The following AHDC1 variants were observed in gnomAD, a reference collection of about 807,000 sequenced individuals.
The protein encoded by AHDC1 is AT-hook DNA binding motif containing 1.
AHDC1 carries 7 observed loss-of-function variants against 87.9 expected under a neutral mutation model. That is an observed-to-expected ratio of 0.08 (90% CI 0.05 to 0.15). The LOEUF is 0.15. Among genes scored for constraint, AHDC1 ranks in the 10% least tolerant of loss-of-function variants. AHDC1 has a pLI of 1.00. For missense variants in AHDC1, 1,841 were observed against 2,253.2 expected, an observed-to-expected ratio of 0.82 and a Z score of 3.70; for synonymous variants, 1,051 against 1,006.8, an observed-to-expected ratio of 1.04 and a Z score of -0.83.
Position 27,549,182 on chromosome 1 carries a change from T to G in AHDC1, c.2934A>C (p.Gln978His). 6.3e-7 allele frequency: 1 copy of G among 1,584,510 alleles called. No individual in the cohort carries two copies. Among genetic ancestry groups the G allele is most frequent in the Non-Finnish European group, 8.6e-7 (1 of 1,164,898 alleles). Residue 978 changes from glutamine (Q) to histidine (H), a missense_variant, in exon 8 of 9, where the codon CAA becomes CAC. By Grantham distance (24) the Gln-to-His change is conservative. This residue lies in a region of AHDC1 where 378 missense variants were observed against 399.0 expected (regional missense o/e 0.95). Transcript: ENST00000673934. ...LPQYGGYGAG[Q>H]SVFAPTKPFT... ...AGGGCTTAGTTGGGGCGAATACGCT[T>G]TGTCCGGCCCCATAGCCGCCGTACT...
chr1:27,551,701 G>T lies in AHDC1; in HGVS notation c.415C>A (p.Gln139Lys). 6.2e-7 allele frequency: 1 copy of T among 1,613,810 alleles called. No individual in the cohort carries two copies. The highest frequency in any genetic ancestry group is 8.5e-7 in the Non-Finnish European group (1 of 1,179,958). ...CAGTCCAGGTGTACACCACTGTGCT[G>T]CAGGTCCTGGGAGAGGCGTGTCAGG... is the stretch of plus-strand genomic sequence containing the variant. ...KDLTRLSQDL[Q>K]HSGVHLDCGG... is the part of the protein sequence containing the mutation. Residue 139 changes from glutamine (Q) to lysine (K), a missense_variant, in exon 8 of 9, where the codon CAG becomes AAG. Gln to Lys is a moderately conservative substitution (Grantham distance 53, BLOSUM62 1). Coordinates refer to ENST00000673934, the MANE Select transcript of AHDC1 (RefSeq NM_001371928.1).
chr1:27,581,833 C>A (rs2088917200), intron 3 of AHDC1, among the ~76,000 whole-genome samples: 1 of 152,218 alleles, frequency 6.6e-6, no homozygotes, highest in Non-Finnish European at 1.5e-5. Flanking sequence ...TTTGGCCCCA[C>A]CAACCTCCTG....
intron 3 of AHDC1, among the ~76,000 whole-genome samples, chr1:27,601,111 A>G (rs1421272339): frequency 6.6e-6 from 1 of 152,196 alleles, no homozygotes; most frequent in South Asian, 2.1e-4. Context: ...AGCTCCTTCC[A>G]TCACTACCTC....
intron 5 of AHDC1, among the ~76,000 whole-genome samples, chr1:27,557,227 C>T (rs563194835): frequency 4.0e-5 from 6 of 151,696 alleles, no homozygotes; most frequent in African/African-American, 1.2e-4. Flanking sequence ...TTCCTCCCTC[C>T]GAGGTCACCC....
At chr1:27,575,326 C>T (rs1373346165) in intron 3 of AHDC1, among the ~76,000 whole-genome samples, 1 of 152,048 alleles carries the variant, frequency 6.6e-6, no homozygotes, top group Non-Finnish European at 1.5e-5. Flanking sequence ...GGGGGAGGGG[C>T]GTTGCCTGCA....
intron 3 of AHDC1, among the ~76,000 whole-genome samples, chr1:27,602,986 TCC>T (rs552714980): frequency 8.6e-5 from 6 of 69,806 alleles, no homozygotes; most frequent in Admixed American, 1.4e-4. Flanking sequence ...CCCCCTTCAT[TCC>T]CCCCCCCCCC....
In AHDC1 at chr1:27,551,113, C is replaced by G. The variant is rs1202158646; in HGVS notation, c.1003G>C (p.Asp335His). ...ACGTCAAGCAGCTTGGGCAGGGGGTCGAGTGCCTGGGGGTCAAGCAGCTGC... is the reference window on the plus strand; with the variant it reads ...ACGTCAAGCAGCTTGGGCAGGGGGTGGAGTGCCTGGGGGTCAAGCAGCTGC... The part of the protein sequence containing the change: ...ESQLLDPQAL[D>H]PLPKLLDVPG... Residue 335 changes from aspartate (D) to histidine (H), a missense_variant, in exon 8 of 9, where the codon GAC becomes CAC. This residue lies in a region of AHDC1 where 370 missense variants were observed against 391.5 expected (regional missense o/e 0.95). Coordinates refer to ENST00000673934, the MANE Select transcript of AHDC1 (RefSeq NM_001371928.1). 1.3e-6 allele frequency: 2 copies of G among 1,582,824 alleles called. No homozygotes were observed. Among genetic ancestry groups the G allele is most frequent in the Middle Eastern group, 1.7e-4 (1 of 5,970 alleles).
At chr1:27,597,913 T>C (rs1225998665) in intron 3 of AHDC1, among the ~76,000 whole-genome samples, 2 of 152,136 alleles carry the variant, frequency 1.3e-5, no homozygotes, top group Non-Finnish European at 2.9e-5. Context: ...TTTTTCTGCC[T>C]CCTCCTCTCT....
Position 27,551,507 on chromosome 1 carries a change from C to T in AHDC1, c.609G>A (p.Glu203=). ...PSHPLYEPEP[E]PRDSPQPGQG... Reference sequence around the variant, plus strand: ...GGCCAGGCTGGGGACTGTCCCTAGGCTCAGGCTCAGGCTCGTAGAGGGGAT... The same window carrying T: ...GGCCAGGCTGGGGACTGTCCCTAGGTTCAGGCTCAGGCTCGTAGAGGGGAT... Residue 203 remains glutamate, a synonymous_variant, in exon 8 of 9, where the codon GAG becomes GAA. Coordinates refer to ENST00000673934, the MANE Select transcript of AHDC1 (RefSeq NM_001371928.1). The T allele has an allele frequency of 6.2e-7, 1 of 1,603,480 alleles. No individual in the cohort carries two copies. The highest frequency in any genetic ancestry group is 8.5e-7 in the Non-Finnish European group (1 of 1,174,640).
In AHDC1 at chr1:27,547,284, A is replaced by G; in HGVS notation, c.*20T>C. 1 of 1,517,570 alleles carries G rather than the reference A, an allele frequency of 6.6e-7. No homozygotes were observed. Among genetic ancestry groups the G allele is most frequent in the Non-Finnish European group, 8.8e-7 (1 of 1,133,660 alleles). 94.0% of individuals were successfully genotyped at this position (1,517,570 alleles called of 1,614,324 possible). A position where few individuals can be genotyped will look rare whatever the true frequency, so the allele number is the denominator to read the frequency against. On this transcript the variant is annotated 3_prime_UTR_variant, in exon 8 of 9. Transcript: ENST00000673934. This position sits in a 1 kb window ranked among gnomAD's most constrained non-coding sequence, Gnocchi z 4.9. ...ACCCAGGAACAAAACCTCGCGGTCC[A>G]GTCGGCACTTCAGTTGGCACTACAG...
At position 27,551,026 on chromosome 1, in the gene AHDC1, G is replaced by A. The variant is rs746067316; in HGVS notation, c.1090C>T (p.Arg364Cys). 20 of 1,558,968 alleles carry A rather than the reference G, an allele frequency of 1.3e-5. No individual in the cohort carries two copies. Among genetic ancestry groups the A allele is most frequent in the Non-Finnish European group, 1.4e-5 (16 of 1,157,268 alleles). The change falls in exon 8 of 9, where the codon CGC (arginine) becomes TGC (cysteine). Residue 364 changes from arginine to cysteine, a missense_variant. Physicochemically the swap from Arg to Cys is radical, Grantham distance 180 (BLOSUM62 -3). Coordinates refer to ENST00000673934, the MANE Select transcript of AHDC1 (RefSeq NM_001371928.1). ...CCGTGCGGTGAGCACAAGTCCAGGC[G>A]CAAGGGCTCGGCCAGTGGGCAGTGC... is the stretch of plus-strand genomic sequence containing the variant. ...LGHCPLAEPLRLDLCSPHGPP... is the reference protein window; with the variant it reads ...LGHCPLAEPLCLDLCSPHGPP...
At chr1:27,535,345 T>C (rs1209246949) in intron 8 of AHDC1, among the ~76,000 whole-genome samples, 1 of 152,226 alleles carries the variant, frequency 6.6e-6, no homozygotes, top group Non-Finnish European at 1.5e-5. Context: ...ATTGGTTTGC[T>C]GGGAGGATTC....
chr1:27,575,762 C>A (rs1472627711), intron 3 of AHDC1, among the ~76,000 whole-genome samples: 1 of 151,812 alleles, frequency 6.6e-6, no homozygotes, highest in Non-Finnish European at 1.5e-5. Flanking sequence ...GCGCCCCGGG[C>A]CCGGCGGAAT....
chr1:27,599,181 A>G (rs2089462251), intron 3 of AHDC1, among the ~76,000 whole-genome samples: 1 of 142,958 alleles, frequency 7.0e-6, no homozygotes, highest in African/African-American at 2.9e-5. Context: ...GCCCTACCAC[A>G]GGGCCAGGGC....
rs1257502112 is a variant in AHDC1 at position 27,563,317 on chromosome 1, CACAG to C, written c.-628-4438_-628-4435del. 6.6e-6 allele frequency among the ~76,000 whole-genome samples: 1 copy of C among 151,824 alleles called. No homozygotes were observed. Among genetic ancestry groups the C allele is most frequent in the East Asian group, 1.9e-4 (1 of 5,194 alleles). On this transcript the variant is annotated intron_variant, in intron 3 of 8. Transcript: ENST00000673934. This position sits in a 1 kb window ranked among gnomAD's most constrained non-coding sequence, Gnocchi z 6.1. ...CAAGACACACACACATGCACACACA[CACAG>C]AACCTGTCACACAGCTGACCAAGAC...
intron 3 of AHDC1, among the ~76,000 whole-genome samples, chr1:27,587,375 A>C (rs1047266506): frequency 2.6e-5 from 4 of 152,164 alleles, no homozygotes; most frequent in Non-Finnish European, 5.9e-5. Context: ...CCCGTTCCAC[A>C]ACTTTCCCTT....
chr1:27,550,153 T>C lies in AHDC1; in HGVS notation c.1963A>G (p.Ile655Val). The change falls in exon 8 of 9, where the codon ATC (isoleucine) becomes GTC (valine). Residue 655 changes from isoleucine (I) to valine (V), a missense_variant. This residue lies in a region of AHDC1 where 236 missense variants were observed against 257.9 expected (regional missense o/e 0.92). Coordinates refer to ENST00000673934, the MANE Select transcript of AHDC1 (RefSeq NM_001371928.1). ...SVHQAPDTQS[I>V]SHFLHRVQGF... is the part of the protein sequence containing the mutation. ...TGCACACGATGCAGGAAGTGGGAGATGCTCTGGGTGTCGGGGGCCTGGTGC... is the reference window on the plus strand; with the variant it reads ...TGCACACGATGCAGGAAGTGGGAGACGCTCTGGGTGTCGGGGGCCTGGTGC... 2 of 1,611,070 alleles carry C rather than the reference T, an allele frequency of 1.2e-6. No homozygotes were observed. The highest frequency in any genetic ancestry group is 1.3e-5 in the African/African-American group (1 of 75,050).
rs143346525 is a variant in AHDC1, at chr1:27,550,606, C to T, written c.1510G>A (p.Val504Met). Residue 504 changes from valine to methionine, a missense_variant, in exon 8 of 9, where the codon GTG becomes ATG. This residue lies in a region of AHDC1 where 27 missense variants were observed against 58.6 expected (regional missense o/e 0.46). Transcript: ENST00000673934. The part of the protein sequence containing the change: ...KVSSLSSSLS[V>M]EGKELGLRVS... ...CGCAGGCCCAGCTCCTTGCCCTCCA[C>T]GCTCAGGCTGCTGCTCAAGGAAGAC... The T allele has an allele frequency of 3.0e-3, 4,781 of 1,613,808 alleles. 11 individuals carry two copies. Among genetic ancestry groups the T allele is most frequent in the Non-Finnish European group, 3.8e-3 (4,436 of 1,180,050 alleles).
intron 3 of AHDC1, among the ~76,000 whole-genome samples, chr1:27,601,272 G>A (rs1245422406): frequency 2.0e-5 from 3 of 152,260 alleles, no homozygotes; most frequent in Admixed American, 6.5e-5. Context: ...AGGCGGAGGA[G>A]AGCGCCCACC....
Sources: allele counts gnomAD v4.1 joint callset (sites outside exome capture counted in the v4.1 genomes callset), GRCh38; gene constraint gnomAD v4.1.1; regional missense constraint gnomAD v4.1.1; non-coding constraint Gnocchi (gnomAD v3.1); transcripts MANE v1.5; gene names NCBI Gene and HGNC (gene_info 2026-07-23, HGNC 2026-07-21).